The following JAKMIP2 variants were observed in gnomAD, a reference collection of about 807,000 sequenced individuals.
JAKMIP2 encodes janus kinase and microtubule interacting protein 2.
JAKMIP2 carries 25 observed loss-of-function variants against 115.0 expected under a neutral mutation model. The observed-to-expected ratio is 0.22, with a 90% CI of 0.16 to 0.30. The LOEUF is 0.30. Among genes scored for constraint, JAKMIP2 ranks in the 10% least tolerant of loss-of-function variants. The pLI, the probability that JAKMIP2 is intolerant of heterozygous loss-of-function variation, is 1.00. For missense variants in JAKMIP2, 642 were observed against 957.6 expected, an observed-to-expected ratio of 0.67 and a Z score of 4.35; for synonymous variants, 334 against 343.6, an observed-to-expected ratio of 0.97 and a Z score of 0.31.
chr5:147,763,362 G>A (rs1032032923), intron 1 of JAKMIP2, among the ~76,000 whole-genome samples: 1 of 152,098 alleles, frequency 6.6e-6, no homozygotes, highest in Non-Finnish European at 1.5e-5. Context: ...GACAGGGAAC[G>A]TTCTGGTTCA....
In JAKMIP2 at chr5:147,617,884, A is replaced by G. The variant is rs184406545; in HGVS notation, c.2346+27T>C. ...AGTTCCATTTGCTAGTACTAACCCT[A>G]CGCAGAGGCAGTGACTCAGTCCTCA... On this transcript the variant is annotated intron_variant, in intron 19 of 21. Coordinates refer to ENST00000616793, the MANE Select transcript of JAKMIP2 (RefSeq NM_001270941.2). 330 of 1,595,482 alleles carry G rather than the reference A, an allele frequency of 2.1e-4. 4 individuals carry two copies. The East Asian group carries it at 6.2e-3, about 30-fold the overall frequency.
At chr5:147,639,410 T>G (rs1396705557) in intron 10 of JAKMIP2, among the ~76,000 whole-genome samples, 4 of 152,190 alleles carry the variant, frequency 2.6e-5, no homozygotes, top group Non-Finnish European at 5.9e-5. Flanking sequence ...GAACAAGAAC[T>G]ATGTACTCAA....
At chr5:147,607,533 C>T (rs763553064) in intron 20 of JAKMIP2, among the ~76,000 whole-genome samples, 22 of 152,242 alleles carry the variant, frequency 1.4e-4, no homozygotes, top group Middle Eastern at 6.8e-3. Context: ...CCAATGCGAT[C>T]GTGGTGGATA....
At chr5:147,694,496 A>G (rs1302025888) in intron 1 of JAKMIP2, among the ~76,000 whole-genome samples, 1 of 152,178 alleles carries the variant, frequency 6.6e-6, no homozygotes, top group Non-Finnish European at 1.5e-5. Flanking sequence ...AGATTCCTAC[A>G]GATCCTATAA....
chr5:147,765,257 C>A (rs1011762205), intron 1 of JAKMIP2, among the ~76,000 whole-genome samples: 4 of 151,946 alleles, frequency 2.6e-5, no homozygotes, highest in African/African-American at 7.3e-5. Context: ...ATTGGTCACA[C>A]ACTTTCCAAA....
chr5:147,616,784 C>T (rs1319126232), intron 19 of JAKMIP2, among the ~76,000 whole-genome samples: 1 of 152,140 alleles, frequency 6.6e-6, no homozygotes, highest in Non-Finnish European at 1.5e-5. Context: ...TTCTGGGACA[C>T]GTGGCTTCAG....
intron 1 of JAKMIP2, among the ~76,000 whole-genome samples, chr5:147,680,722 T>C (rs1304367220): frequency 6.6e-6 from 1 of 152,178 alleles, no homozygotes; most frequent in Admixed American, 6.5e-5. Flanking sequence ...CCCTTCTCCA[T>C]GCAGGAAAAA....
intron 1 of JAKMIP2, 147 bp downstream of exon 1, chr5:147,782,309 C>A (rs762619743): frequency 3.9e-6 from 3 of 765,198 alleles, no homozygotes; most frequent in Non-Finnish European, 6.5e-6. Context: ...CAAGCTTCCT[C>A]TCCCTCCATC....
chr5:147,595,586 A>G (rs944424010), intron 21 of JAKMIP2: 3 of 453,780 alleles, frequency 6.6e-6, no homozygotes, highest in African/African-American at 4.0e-5. Context: ...AGTCTCAGGT[A>G]TTTTGTTATA....
At chr5:147,662,736 G>C (rs1055287575) in intron 2 of JAKMIP2, among the ~76,000 whole-genome samples, 1 of 152,134 alleles carries the variant, frequency 6.6e-6, no homozygotes, top group African/African-American at 2.4e-5. Flanking sequence ...TGTAATCCCA[G>C]CACTTTGGGA....
intron 1 of JAKMIP2, among the ~76,000 whole-genome samples, chr5:147,702,770 A>C (rs569737963): frequency 3.0e-4 from 46 of 152,246 alleles, no homozygotes; most frequent in Middle Eastern, 3.4e-3. Context: ...CTGATGATCC[A>C]AACATGGTTG....
At chr5:147,766,465 C>G (rs545955903) in intron 1 of JAKMIP2, among the ~76,000 whole-genome samples, 1 of 152,256 alleles carries the variant, frequency 6.6e-6, no homozygotes, top group Admixed American at 6.5e-5. Flanking sequence ...CAGCTGGTAG[C>G]TGAACAAATA....
intron 1 of JAKMIP2, among the ~76,000 whole-genome samples, chr5:147,729,362 G>A (rs182919528): frequency 7.4e-4 from 112 of 152,278 alleles, no homozygotes; most frequent in Non-Finnish European, 2.9e-4. Context: ...AGATGCTTAG[G>A]TGTCATCAGT....
chr5:147,646,246 T>G (rs17107039), intron 5 of JAKMIP2, among the ~76,000 whole-genome samples: 41,103 of 152,018 alleles, frequency 0.27, 7,583 homozygotes, highest in East Asian at 0.58. Context: ...ATTAAAGAAA[T>G]AACTCCATTT....
intron 10 of JAKMIP2, 91 bp from the exon 11 acceptor site, chr5:147,637,139 G>GAGA: frequency 4.0e-6 from 3 of 749,130 alleles, no homozygotes; most frequent in Non-Finnish European, 7.0e-6. Flanking sequence ...GAGAGAGAGA[G>GAGA]GAAAAAAAGA....
chr5:147,702,636 GAAAGAAAGAAAGA>G (rs1561547517), intron 1 of JAKMIP2, among the ~76,000 whole-genome samples: 6 of 122,778 alleles, frequency 4.9e-5, no homozygotes, highest in Admixed American at 8.5e-5. Context: ...AAGAAAGAAA[GAAAGAAAGAAAGA>G]AAGAAAGAAA....
At chr5:147,687,336 C>A (rs543670410) in intron 1 of JAKMIP2, among the ~76,000 whole-genome samples, 1 of 152,250 alleles carries the variant, frequency 6.6e-6, no homozygotes, top group Non-Finnish European at 1.5e-5. Context: ...CTGGGAGAGA[C>A]CAACATGTAA....
At chr5:147,777,605 T>A (rs1015597744) in intron 1 of JAKMIP2, among the ~76,000 whole-genome samples, 12 of 152,140 alleles carry the variant, frequency 7.9e-5, no homozygotes, top group African/African-American at 2.7e-4. Context: ...TTTTCCATAA[T>A]GAGGATGTGT....
At chr5:147,714,192 G>C (rs1040449273) in intron 1 of JAKMIP2, among the ~76,000 whole-genome samples, 10 of 152,122 alleles carry the variant, frequency 6.6e-5, no homozygotes, top group African/African-American at 2.4e-4. Context: ...CCATTACAAA[G>C]GTTCTGTAAA....
Sources: gnomAD v4.1 joint callset for allele counts (sites outside exome capture counted in the v4.1 genomes callset) on GRCh38, gnomAD v4.1.1 for gene constraint, MANE v1.5 for transcripts, NCBI Gene and HGNC (gene_info 2026-07-23, HGNC 2026-07-21) for gene names.